Variants in TRPM1 observed in about 807,000 individuals in gnomAD.
TRPM1 encodes TRPM1-203 APA Isoform, Intron 10.
A neutral mutation model predicts 149.4 loss-of-function variants in TRPM1; 113 were observed. The observed-to-expected ratio is 0.76, with a 90% CI of 0.65 to 0.88. The LOEUF is 0.88. TRPM1 is among the 40% of genes least tolerant of loss of function. TRPM1 has a pLI of 0.00. For missense variants in TRPM1, 1,976 were observed against 2,038.7 expected (o/e 0.97, Z 0.59); for synonymous variants, 741 against 759.5 (o/e 0.98, Z 0.40).
intron 1 of TRPM1, among the ~76,000 whole-genome samples, chr15:31,118,890 C>A (rs191516688): frequency 1.7e-4 from 23 of 137,834 alleles, no homozygotes; most frequent in Non-Finnish European, 3.6e-4. Flanking sequence ...GGTTTCAACA[C>A]ATGAATTTGA....
chr15:31,141,725 G>T (rs950457506), intron 1 of TRPM1, among the ~76,000 whole-genome samples: 8 of 152,166 alleles, frequency 5.3e-5, no homozygotes, highest in Non-Finnish European at 1.2e-4. Context: ...AGGACAACAA[G>T]GTTTAAGCAA....
chr15:31,004,116 A>C (rs2031890589), intron 27 of TRPM1, among the ~76,000 whole-genome samples: 1 of 152,138 alleles, frequency 6.6e-6, no homozygotes, highest in Admixed American at 6.6e-5. Context: ...GATGGCAAAC[A>C]CTTAGGTCTG....
At chr15:31,102,156 T>C (rs1402833823), upstream of TRPM1, among the ~76,000 whole-genome samples, 3 of 152,240 alleles carry the variant, frequency 2.0e-5, no homozygotes, top group Non-Finnish European at 4.4e-5. Context: ...AAGTTGGGCC[T>C]GAGGTCAGGG....
intron 1 of TRPM1, among the ~76,000 whole-genome samples, chr15:31,099,574 G>T (rs2035468734): frequency 6.6e-6 from 1 of 152,200 alleles, no homozygotes; most frequent in Non-Finnish European, 1.5e-5. Flanking sequence ...ATCTTAAAAT[G>T]CCTGAGTGTC....
At chr15:31,053,572 C>G (rs899933402) in intron 11 of TRPM1, among the ~76,000 whole-genome samples, 2 of 152,156 alleles carry the variant, frequency 1.3e-5, no homozygotes, top group Admixed American at 1.3e-4. Flanking sequence ...GCCAAGATGG[C>G]TATTATCTAA....
At chr15:31,149,249 C>T (rs905781526) in intron 1 of TRPM1, among the ~76,000 whole-genome samples, 21 of 152,158 alleles carry the variant, frequency 1.4e-4, no homozygotes, top group African/African-American at 4.1e-4. Context: ...TTTCAGGACC[C>T]CTGAGAGTTT....
chr15:31,046,175 T>C, intron 16 of TRPM1, 29 bp downstream of exon 16: 1 of 1,610,460 alleles, frequency 6.2e-7, no homozygotes, highest in Non-Finnish European at 8.5e-7. Context: ...CAGGATATTA[T>C]AAAACTGTTG....
At position 31,076,910 on chromosome 15, in the gene TRPM1, AG is replaced by A; in HGVS notation, c.77del (p.Ser26LeufsTer86). Reference sequence around the variant, plus strand: ...AATCGTGGATTTCAATTTACCTGTTAGAGTCTTTCATGCTAGGAATTACAAA... The same window carrying A: ...AATCGTGGATTTCAATTTACCTGTTAAGTCTTTCATGCTAGGAATTACAAA... Reference protein sequence around the residue: ...CIFVIPSMKDSNRCCCGQFTN... With the variant: ...CIFVIPSMKDXNRCCCGQFTN... On this transcript the variant is annotated frameshift_variant, in exon 3 of 28. Transcript: ENST00000256552. LOFTEE classifies it high-confidence loss of function. 2 of 1,601,638 alleles carry A rather than the reference AG, an allele frequency of 1.2e-6. No individual in the cohort carries two copies. The highest frequency in any genetic ancestry group is 1.7e-6 in the Non-Finnish European group (2 of 1,168,716).
intron 11 of TRPM1, among the ~76,000 whole-genome samples, chr15:31,053,158 C>A (rs1348802780): frequency 1.3e-5 from 2 of 152,166 alleles, no homozygotes; most frequent in Admixed American, 6.5e-5. Flanking sequence ...AATAAACACA[C>A]ACAAAAACGC....
At chr15:31,022,560 T>C (rs1235733029) in intron 27 of TRPM1, among the ~76,000 whole-genome samples, 1 of 152,374 alleles carries the variant, frequency 6.6e-6, no homozygotes, top group East Asian at 1.9e-4. Flanking sequence ...AAAAAGATGG[T>C]GCCAACACCA....
chr15:31,063,679 C>T (rs143764039), intron 7 of TRPM1, among the ~76,000 whole-genome samples: 110 of 152,224 alleles, frequency 7.2e-4, no homozygotes, highest in African/African-American at 2.5e-3. Context: ...TCTCAAACAC[C>T]TGGGCTCAAG....
intron 3 of TRPM1, among the ~76,000 whole-genome samples, chr15:31,075,501 G>T (rs565449988): frequency 6.6e-6 from 1 of 152,240 alleles, no homozygotes; most frequent in African/African-American, 2.4e-5. Flanking sequence ...CACTTTCTGT[G>T]GTTGCTGCTT....
At chr15:31,106,720 T>C (rs954989348), upstream of TRPM1, among the ~76,000 whole-genome samples, 10 of 152,244 alleles carry the variant, frequency 6.6e-5, no homozygotes, top group Non-Finnish European at 1.5e-4. Flanking sequence ...TCTTGGTCTC[T>C]ACAAATAGCA....
At chr15:31,124,617 G>A (rs975801434) in intron 1 of TRPM1, among the ~76,000 whole-genome samples, 1 of 141,844 alleles carries the variant, frequency 7.1e-6, no homozygotes, top group African/African-American at 2.7e-5. Context: ...TCGCACCATC[G>A]TACTCCAGCC....
Position 31,136,749 on chromosome 15 carries a change from C to CTTT in TRPM1, c.54+24154_54+24156dup, listed in dbSNP as rs60370849. Among the ~76,000 whole-genome samples, 47 of 137,850 alleles carry CTTT rather than the reference C, an allele frequency of 3.4e-4. 1 individual carries two copies. The highest frequency in any genetic ancestry group is 1.4e-3 in the South Asian group (6 of 4,362). The allele number at this position is 137,850 out of a possible 152,430, so 90.4% of individuals were successfully genotyped here. On this transcript the variant is annotated intron_variant, in intron 1 of 26. Coordinates refer to the TRPM1 transcript ENST00000542188. Reference sequence around the variant, plus strand: ...TCTGCTTTCCTCAGCCGCCCCCACCCTTTTTTTTTTTTTTGCCTATAAAGC... The same window carrying CTTT: ...TCTGCTTTCCTCAGCCGCCCCCACCCTTTTTTTTTTTTTTTTTGCCTATAAAGC...
chr15:31,135,799 C>T (rs573012192), intron 1 of TRPM1, among the ~76,000 whole-genome samples: 18 of 152,196 alleles, frequency 1.2e-4, no homozygotes, highest in South Asian at 1.0e-3. Flanking sequence ...CTGCACACAC[C>T]GGCTCCTCTT....
At chr15:31,048,786 T>G (rs1328298871) in intron 13 of TRPM1, among the ~76,000 whole-genome samples, 1 of 152,114 alleles carries the variant, frequency 6.6e-6, no homozygotes, top group African/African-American at 2.4e-5. Context: ...CACCCCAGCC[T>G]GGGCAACAAG....
At chr15:31,112,805 G>A (rs1023522980) in intron 1 of TRPM1, among the ~76,000 whole-genome samples, 1 of 152,174 alleles carries the variant, frequency 6.6e-6, no homozygotes, top group Non-Finnish European at 1.5e-5. Context: ...GATTCACAAT[G>A]CATATTAGGA....
intron 27 of TRPM1, among the ~76,000 whole-genome samples, chr15:31,019,431 T>G (rs2032479432): frequency 2.6e-5 from 4 of 152,214 alleles, no homozygotes; most frequent in African/African-American, 4.8e-5. Context: ...AGAGGGAGTC[T>G]CTGTCACGCA....
Sources: allele counts gnomAD v4.1 joint callset (sites outside exome capture counted in the v4.1 genomes callset), GRCh38; gene constraint gnomAD v4.1.1; transcripts MANE v1.5; gene names NCBI Gene and HGNC (gene_info 2026-07-23, HGNC 2026-07-21).